The following KCNIP4 variants were observed in gnomAD, a reference collection of about 807,000 sequenced individuals.
KCNIP4 encodes potassium voltage-gated channel interacting protein 4, also known as Kv channel-interacting protein 4.
In KCNIP4, 12 loss-of-function variants were observed where a neutral mutation model predicts 34.0. The ratio of observed to expected loss-of-function variants is 0.35; its 90% confidence interval spans 0.23 to 0.57. The LOEUF is 0.57. Ranked by LOEUF, KCNIP4 falls within the 20% of genes least tolerant of loss-of-function variation. KCNIP4 has a pLI of 0.83. For missense variants in KCNIP4, 238 were observed against 311.7 expected, an observed-to-expected ratio of 0.76 and a Z score of 1.78; for synonymous variants, 124 against 102.2, an observed-to-expected ratio of 1.21 and a Z score of -1.29.
chr4:21,706,681 T>G (rs1164407166), intron 1 of KCNIP4, among the ~76,000 whole-genome samples: 1 of 152,102 alleles, frequency 6.6e-6, no homozygotes, highest in African/African-American at 2.4e-5. Flanking sequence ...GTGTAGTGAT[T>G]CCCAAGAAGA....
intron 2 of KCNIP4, among the ~76,000 whole-genome samples, chr4:20,853,675 G>T (rs182157581): frequency 1.6e-4 from 24 of 152,200 alleles, no homozygotes; most frequent in African/African-American, 5.1e-4. Flanking sequence ...AAGAGCTTTT[G>T]CATGGCAAAA....
chr4:21,034,740 A>T (rs1741307329), intron 1 of KCNIP4, among the ~76,000 whole-genome samples: 1 of 152,164 alleles, frequency 6.6e-6, no homozygotes, highest in Non-Finnish European at 1.5e-5. Flanking sequence ...GAAAAGAGTT[A>T]CTGAATTAAT....
At chr4:20,968,069 T>C (rs1003257166) in intron 1 of KCNIP4, among the ~76,000 whole-genome samples, 2 of 151,818 alleles carry the variant, frequency 1.3e-5, no homozygotes, top group Non-Finnish European at 2.9e-5. Context: ...AGAAAGAACT[T>C]AAAAAAATTT....
intron 1 of KCNIP4, among the ~76,000 whole-genome samples, chr4:21,757,853 T>C (rs762983353): frequency 5.9e-5 from 9 of 152,164 alleles, no homozygotes; most frequent in Non-Finnish European, 1.0e-4. Context: ...CAGAACTTTT[T>C]GTAGCCACAG....
At chr4:21,892,322 C>CAAA (rs397762481) in intron 1 of KCNIP4, among the ~76,000 whole-genome samples, 1 of 146,226 alleles carries the variant, frequency 6.8e-6, no homozygotes. Context: ...TATCCAAATA[C>CAAA]AAAAAAAAAA....
chr4:21,202,430 G>A (rs979545351), intron 1 of KCNIP4, among the ~76,000 whole-genome samples: 2 of 152,188 alleles, frequency 1.3e-5, no homozygotes, highest in African/African-American at 4.8e-5. Flanking sequence ...GAATACAAGA[G>A]GAGAGAGGCA....
intron 1 of KCNIP4, among the ~76,000 whole-genome samples, chr4:21,675,282 G>A (rs548134699): frequency 1.3e-5 from 2 of 152,176 alleles, no homozygotes; most frequent in Admixed American, 6.5e-5. Context: ...GTAGAATGTC[G>A]GTTACCAGAG....
chr4:21,553,143 G>T (rs866927742), intron 1 of KCNIP4, among the ~76,000 whole-genome samples: 6 of 106,210 alleles, frequency 5.6e-5, no homozygotes, highest in South Asian at 3.3e-4. Flanking sequence ...AAGCTTAAAG[G>T]GGGGGGTCAT....
chr4:20,861,718 C>T (rs926970704), intron 2 of KCNIP4, among the ~76,000 whole-genome samples: 2 of 152,030 alleles, frequency 1.3e-5, no homozygotes, highest in African/African-American at 4.8e-5. Flanking sequence ...AATTTCCATT[C>T]TAGGAGAATG....
At chr4:21,138,229 C>T (rs1212534774) in intron 1 of KCNIP4, among the ~76,000 whole-genome samples, 1 of 152,128 alleles carries the variant, frequency 6.6e-6, no homozygotes, top group Non-Finnish European at 1.5e-5. Flanking sequence ...AATTCCTTCT[C>T]AACTCTGTGC....
chr4:21,929,551 C>T (rs1360521462), intron 1 of KCNIP4, among the ~76,000 whole-genome samples: 1 of 152,128 alleles, frequency 6.6e-6, no homozygotes, highest in Non-Finnish European at 1.5e-5. Flanking sequence ...CACTACTCAA[C>T]CACTGTTCTA....
chr4:21,546,926 C>G (rs1480393980), intron 1 of KCNIP4, among the ~76,000 whole-genome samples: 1 of 152,076 alleles, frequency 6.6e-6, no homozygotes, highest in African/African-American at 2.4e-5. Flanking sequence ...TTATTCTTAT[C>G]TGAAATAAAG....
At chr4:21,508,413 C>T (rs1460479) in intron 1 of KCNIP4, among the ~76,000 whole-genome samples, 9,044 of 152,210 alleles carry the variant, frequency 0.059, 819 homozygotes, top group African/African-American at 0.2. Flanking sequence ...TGTTACAAAG[C>T]TTCTGCACCT....
At chr4:21,100,131 A>G (rs544368951) in intron 1 of KCNIP4, among the ~76,000 whole-genome samples, 11 of 152,320 alleles carry the variant, frequency 7.2e-5, no homozygotes, top group African/African-American at 2.6e-4. Flanking sequence ...AAGGGTTTTG[A>G]GAGTCGACTC....
At chr4:21,223,332 T>C (rs1758117312) in intron 1 of KCNIP4, among the ~76,000 whole-genome samples, 1 of 152,192 alleles carries the variant, frequency 6.6e-6, no homozygotes, top group South Asian at 2.1e-4. Flanking sequence ...ACAAAGATTC[T>C]ACCCTGGAGT....
chr4:21,342,699 T>C (rs979392012), intron 1 of KCNIP4, among the ~76,000 whole-genome samples: 1 of 151,970 alleles, frequency 6.6e-6, no homozygotes, highest in Non-Finnish European at 1.5e-5. Context: ...TAATTTCATA[T>C]ATGAAACACC....
At chr4:21,746,472 C>T (rs1045429740) in intron 1 of KCNIP4, among the ~76,000 whole-genome samples, 1 of 151,862 alleles carries the variant, frequency 6.6e-6, no homozygotes, top group Admixed American at 6.6e-5. Flanking sequence ...TCAATGAGAA[C>T]TTTGAATGCT....
chr4:20,792,768 A>T (rs1391460312), intron 3 of KCNIP4, among the ~76,000 whole-genome samples: 3 of 152,334 alleles, frequency 2.0e-5, no homozygotes, highest in East Asian at 3.9e-4. Flanking sequence ...GAAGCAAAAT[A>T]TGATAAAATT....
intron 1 of KCNIP4, among the ~76,000 whole-genome samples, chr4:21,646,288 C>A (rs938663437): frequency 6.6e-6 from 1 of 152,126 alleles, no homozygotes; most frequent in Non-Finnish European, 1.5e-5. Context: ...TCCCACTGCC[C>A]GGAATAACAT....
Sources: gnomAD v4.1 joint callset for allele counts (sites outside exome capture counted in the v4.1 genomes callset) on GRCh38, gnomAD v4.1.1 for gene constraint, MANE v1.5 for transcripts, NCBI Gene and HGNC (gene_info 2026-07-23, HGNC 2026-07-21) for gene names.